Variants in ATP10B observed in about 807,000 individuals in gnomAD.
The protein encoded by ATP10B is ATPase phospholipid transporting 10B (putative).
A neutral mutation model predicts 141.2 loss-of-function variants in ATP10B; 122 were observed. The observed-to-expected ratio is 0.86, with a 90% CI of 0.75 to 1.00. The LOEUF is 1.00. Among genes scored for constraint, ATP10B ranks in the 50% least tolerant of loss-of-function variants. ATP10B has a pLI of 0.00. For missense variants in ATP10B, 1,876 were observed against 1,825.3 expected (o/e 1.03, Z -0.51); for synonymous variants, 685 against 692.0 (o/e 0.99, Z 0.16).
At chr5:160,834,975 T>C (rs1481394428) in intron 1 of ATP10B, among the ~76,000 whole-genome samples, 1 of 152,112 alleles carries the variant, frequency 6.6e-6, no homozygotes, top group Admixed American at 6.6e-5. Context: ...TGAGAACTTA[T>C]TTTGTGTGTT....
intron 2 of ATP10B, among the ~76,000 whole-genome samples, chr5:160,770,232 CTCTGTT>C (rs754726006): frequency 1.3e-5 from 2 of 151,888 alleles, no homozygotes; most frequent in South Asian, 2.1e-4. Flanking sequence ...CTTTCTCTGG[CTCTGTT>C]TCTGTCTTTC....
At chr5:160,903,850 G>T in the ATP10B span, among the ~76,000 whole-genome samples, 1 of 152,222 alleles carries the variant, frequency 6.6e-6, no homozygotes, top group Non-Finnish European at 1.5e-5. Context: ...TGCACCCGAG[G>T]TCAGCAAGGA....
intron 2 of ATP10B, among the ~76,000 whole-genome samples, chr5:160,773,969 T>C (rs1400221764): frequency 1.3e-5 from 2 of 152,210 alleles, no homozygotes; most frequent in Non-Finnish European, 2.9e-5. Context: ...TTGTAAAGAC[T>C]CAGGGGAGCT....
rs897121452 is a variant in ATP10B at position 160,766,603 on chromosome 5, A to G, written c.-331+18956T>C. 2.6e-5 allele frequency among the ~76,000 whole-genome samples: 4 copies of G among 151,844 alleles called. No individual in the cohort carries two copies. In the South Asian group the frequency reaches 6.2e-4, roughly 24 times the overall value. ...CAGAGGACTTGGGGTGAAGGGTGGGAGGGAGATGAGGGATAAAGACTACAC... is the reference window on the plus strand; with the variant it reads ...CAGAGGACTTGGGGTGAAGGGTGGGGGGGAGATGAGGGATAAAGACTACAC... On this transcript the variant is annotated intron_variant, in intron 2 of 25. Transcript: ENST00000327245.
In ATP10B at chr5:160,621,007, G is replaced by A. The variant is rs563044501; in HGVS notation, c.1813-57C>T. 9 of 1,543,738 alleles carry A rather than the reference G, an allele frequency of 5.8e-6. No homozygotes were observed. The South Asian group carries it at 1.0e-4, about 17-fold the overall frequency. On this transcript the variant is annotated intron_variant, in intron 14 of 25. Transcript: ENST00000327245. Reference sequence around the variant, plus strand: ...CTCTCAATGTTGGAAATAATACCAAGTTGTCTTATGCGGAATATGAAGGTA... The same window carrying A: ...CTCTCAATGTTGGAAATAATACCAAATTGTCTTATGCGGAATATGAAGGTA...
the ATP10B span, among the ~76,000 whole-genome samples, chr5:160,913,147 C>G: frequency 1.3e-5 from 2 of 152,200 alleles, no homozygotes; most frequent in African/African-American, 4.8e-5. Flanking sequence ...TGAAAGAGCT[C>G]TTTCCTCTTC....
At chr5:160,845,904 T>C (rs945821115) in intron 1 of ATP10B, among the ~76,000 whole-genome samples, 1 of 152,206 alleles carries the variant, frequency 6.6e-6, no homozygotes, top group Admixed American at 6.6e-5. Context: ...CACGCTGATG[T>C]CTTTTCCCTA....
chr5:160,926,443 A>T, the ATP10B span, among the ~76,000 whole-genome samples: 1 of 152,246 alleles, frequency 6.6e-6, no homozygotes, highest in African/African-American at 2.4e-5. Context: ...ATTTCCTAAA[A>T]TCTGCAAATG....
intron 1 of ATP10B, among the ~76,000 whole-genome samples, chr5:160,851,279 T>C (rs1259196922): frequency 1.3e-5 from 2 of 152,174 alleles, no homozygotes; most frequent in African/African-American, 4.8e-5. Flanking sequence ...ACTTTTCACC[T>C]TAGGGTTAGG....
At chr5:160,876,458 A>G in the ATP10B span, among the ~76,000 whole-genome samples, 2 of 150,058 alleles carry the variant, frequency 1.3e-5, no homozygotes, top group Non-Finnish European at 3.0e-5. Flanking sequence ...TGACACCCTA[A>G]TATCACAATT....
At chr5:160,894,593 G>A in the ATP10B span, among the ~76,000 whole-genome samples, 9 of 152,162 alleles carry the variant, frequency 5.9e-5, no homozygotes, top group Non-Finnish European at 1.3e-4. Flanking sequence ...GCACCTGAAA[G>A]TGATGGGGAG....
rs998041424 is a variant in ATP10B, at chr5:160,704,288, C to A, written c.-205+12621G>T. On this transcript the variant is annotated intron_variant, in intron 3 of 25. Transcript: ENST00000327245. ...CCTAGACTGATCTTGAACTCCTGAC[C>A]TCAAGTGATCCTTCTGCCTCAGCTT... 8.6e-5 allele frequency among the ~76,000 whole-genome samples: 13 copies of A among 151,752 alleles called. 1 individual carries two copies. Among genetic ancestry groups the A allele is most frequent in the Admixed American group, 8.5e-4 (13 of 15,284 alleles).
intron 2 of ATP10B, among the ~76,000 whole-genome samples, chr5:160,719,020 A>G (rs928099513): frequency 1.3e-5 from 2 of 152,228 alleles, no homozygotes; most frequent in Non-Finnish European, 2.9e-5. Flanking sequence ...AGTTCGTCAG[A>G]GTTCTTTGGA....
intron 7 of ATP10B, among the ~76,000 whole-genome samples, chr5:160,650,971 G>T (rs1006909256): frequency 1.8e-4 from 27 of 152,090 alleles, no homozygotes; most frequent in African/African-American, 6.5e-4. Context: ...CATTTAATAG[G>T]TATAGTGTTT....
At chr5:160,675,577 A>G (rs1238850852) in intron 6 of ATP10B, among the ~76,000 whole-genome samples, 3 of 152,132 alleles carry the variant, frequency 2.0e-5, no homozygotes, top group African/African-American at 7.2e-5. Flanking sequence ...CAGAAGGATT[A>G]GTTAACTTGT....
intron 3 of ATP10B, 62 bp from the exon 4 acceptor site, chr5:160,689,005 C>G: frequency 3.3e-6 from 3 of 913,250 alleles, no homozygotes; most frequent in Non-Finnish European, 3.9e-6. Context: ...TGCTGCTTTA[C>G]AGCACATCAA....
chr5:160,897,856 G>A, the ATP10B span, among the ~76,000 whole-genome samples: 1 of 152,020 alleles, frequency 6.6e-6, no homozygotes, highest in Non-Finnish European at 1.5e-5. Flanking sequence ...TAGACCAATG[G>A]AACAGAACAG....
At chr5:160,617,420 C>T (rs1012400068) in intron 16 of ATP10B, among the ~76,000 whole-genome samples, 2 of 152,180 alleles carry the variant, frequency 1.3e-5, no homozygotes, top group African/African-American at 4.8e-5. Flanking sequence ...TCAACTTCTT[C>T]CTGGTTGTAG....
chr5:160,678,095 C>T (rs1763145536), intron 6 of ATP10B, among the ~76,000 whole-genome samples: 2 of 152,122 alleles, frequency 1.3e-5, no homozygotes, highest in Admixed American at 1.3e-4. Context: ...AGAGGGCTAA[C>T]CTCTAGACAG....
Sources: gnomAD v4.1 joint callset for allele counts (sites outside exome capture counted in the v4.1 genomes callset) on GRCh38, gnomAD v4.1.1 for gene constraint, MANE v1.5 for transcripts, NCBI Gene and HGNC (gene_info 2026-07-23, HGNC 2026-07-21) for gene names.